The following BCL2L15 variants were observed in gnomAD, a reference collection of about 807,000 sequenced individuals.
The protein encoded by BCL2L15 is bcl-2-like protein 15.
A neutral mutation model predicts 18.3 loss-of-function variants in BCL2L15; 15 were observed. The observed-to-expected ratio is 0.82, with a 90% CI of 0.55 to 1.26. The LOEUF (loss-of-function observed/expected upper bound fraction) is 1.26, where lower values mean the gene tolerates loss of function less well. BCL2L15 is among the 50% of genes most tolerant of loss of function. The pLI is 0.00. For missense variants in BCL2L15, 180 were observed against 201.7 expected (o/e 0.89, Z 0.65); for synonymous variants, 58 against 68.5 (o/e 0.85, Z 0.76).
At chr1:113,885,241 C>T (rs941466962) in intron 2 of BCL2L15, among the ~76,000 whole-genome samples, 2 of 146,370 alleles carry the variant, frequency 1.4e-5, no homozygotes, top group Non-Finnish European at 3.0e-5. Context: ...CAGGCATGAG[C>T]CACAGCACCC....
intron 3 of BCL2L15, chr1:113,881,488 A>G: frequency 7.4e-7 from 1 of 1,350,892 alleles, no homozygotes; most frequent in South Asian, 1.9e-5. Flanking sequence ...GAACTCTATC[A>G]TGAATATACT....
At position 113,886,557 on chromosome 1, in the gene BCL2L15, C is replaced by A. The variant is rs771272868; in HGVS notation, c.229G>T (p.Ala77Ser). The change falls in exon 2 of 4, where the codon GCA (alanine) becomes TCA (serine). Residue 77 changes from alanine to serine, a missense_variant. Coordinates refer to ENST00000393316, the MANE Select transcript of BCL2L15 (RefSeq NM_001010922.3). ...TTGACCTGTCCCTTAATGGTTTCTG[C>A]AATGACGTTTTTGGCAGAAGCTTCC... ...ELEASAKNVI[A>S]ETIKGQTGAI... 9 of 1,613,442 alleles carry A rather than the reference C, an allele frequency of 5.6e-6. No individual in the cohort carries two copies. Among genetic ancestry groups the A allele is most frequent in the Non-Finnish European group, 7.6e-6 (9 of 1,179,842 alleles).
rs753335741 is a variant in BCL2L15, at chr1:113,886,632, T to C, written c.154A>G (p.Ile52Val). The C allele has an allele frequency of 1.9e-6, 3 of 1,611,496 alleles. No homozygotes were observed. The highest frequency in any genetic ancestry group is 1.7e-5 in the Admixed American group (1 of 59,142). Residue 52 changes from isoleucine (I) to valine (V), a missense_variant, in exon 2 of 4, where the codon ATC (isoleucine) becomes GTC (valine). Transcript: ENST00000393316. ...SGEPCSFDVA[I>V]IAGRLRMLGD... is the part of the protein sequence containing the mutation. ...AACATCCGAAGGCGACCAGCAATGA[T>C]AGCCACATCAAAAGAACAAGGCTCT...
intron 2 of BCL2L15, among the ~76,000 whole-genome samples, chr1:113,883,603 G>T (rs1416375332): frequency 6.8e-6 from 1 of 147,374 alleles, no homozygotes; most frequent in Non-Finnish European, 1.5e-5. Context: ...GTAAAACCCC[G>T]TCTCTACTAA....
chr1:113,885,237 T>C (rs1666989493), intron 2 of BCL2L15, among the ~76,000 whole-genome samples: 1 of 149,996 alleles, frequency 6.7e-6, no homozygotes, highest in South Asian at 2.1e-4. Flanking sequence ...ATTACAGGCA[T>C]GAGCCACAGC....
At chr1:113,885,533 TG>T (rs1387960470) in intron 2 of BCL2L15, among the ~76,000 whole-genome samples, 1 of 151,874 alleles carries the variant, frequency 6.6e-6, no homozygotes, top group African/African-American at 2.4e-5. Flanking sequence ...GCGATTCTCC[TG>T]CCTCAGTCTC....
At chr1:113,886,722 C>G (rs1441025995) in intron 1 of BCL2L15, 64 bp from the exon 2 acceptor site, 9 of 1,496,364 alleles carry the variant, frequency 6.0e-6, no homozygotes, top group East Asian at 2.3e-5. Context: ...GGAATCTGGG[C>G]AATGAGAAAA....
Position 113,881,038 on chromosome 1 carries a change from ATTTG to A in BCL2L15, c.*81_*84del. 1 of 1,597,058 alleles carries A rather than the reference ATTTG, an allele frequency of 6.3e-7. No homozygotes were observed. The highest frequency in any genetic ancestry group is 2.2e-5 in the East Asian group (1 of 44,724). ...GATAAAATGAAAAAAGTGCTTTTTT[ATTTG>A]TTTGTTTGAATTCCCAGGAATCAAT... is the stretch of plus-strand genomic sequence containing the variant. On this transcript the variant is annotated 3_prime_UTR_variant, in exon 4 of 4. Coordinates refer to ENST00000393316, the MANE Select transcript of BCL2L15 (RefSeq NM_001010922.3).
intron 2 of BCL2L15, among the ~76,000 whole-genome samples, chr1:113,882,481 C>A (rs1156384695): frequency 6.6e-6 from 1 of 151,228 alleles, no homozygotes; most frequent in Admixed American, 6.6e-5. Flanking sequence ...CCTGTCTCTA[C>A]TAAAAATACA....
rs767327056 is a variant in BCL2L15 at position 113,887,229 on chromosome 1, G to A, written c.127+20C>T. 14 of 1,610,998 alleles carry A rather than the reference G, an allele frequency of 8.7e-6. No homozygotes were observed. Among genetic ancestry groups the A allele is most frequent in the Non-Finnish European group, 9.3e-6 (11 of 1,177,514 alleles). On this transcript the variant is annotated intron_variant, in intron 1 of 3. Transcript: ENST00000393316. ...ATACTCTTATTGACCTGCAATCACC[G>A]CCTAGGGCAGGAACCTTACCTGAAT... is the stretch of plus-strand genomic sequence containing the variant.
In BCL2L15 at chr1:113,881,871, T is replaced by C. The variant is rs767565419; in HGVS notation, c.376A>G (p.Ile126Val). The part of the protein sequence containing the change: ...SVKLLEYMAH[I>V]APEVVGQVAI... ...ACCTGTCCCACTACTTCAGGAGCAATGTGAGCCATGTACTCAAGAAGTTTC... is the reference window on the plus strand; with the variant it reads ...ACCTGTCCCACTACTTCAGGAGCAACGTGAGCCATGTACTCAAGAAGTTTC... Residue 126 changes from isoleucine to valine, a missense_variant, in exon 3 of 4, where the codon ATT becomes GTT. Ile to Val is a conservative substitution (Grantham distance 29). Coordinates refer to ENST00000393316, the MANE Select transcript of BCL2L15 (RefSeq NM_001010922.3). The C allele has an allele frequency of 3.1e-6, 5 of 1,614,192 alleles. No homozygotes were observed. Among genetic ancestry groups the C allele is most frequent in the South Asian group, 2.2e-5 (2 of 91,068 alleles).
chr1:113,883,544 T>C (rs1175346299), intron 2 of BCL2L15, among the ~76,000 whole-genome samples: 1 of 144,146 alleles, frequency 6.9e-6, no homozygotes, highest in African/African-American at 2.6e-5. Context: ...GAGGCCAAGG[T>C]GGGCGGATTG....
Position 113,881,906 on chromosome 1 carries a change from G to T in BCL2L15, c.341C>A (p.Ala114Glu). 1 of 1,614,166 alleles carries T rather than the reference G, an allele frequency of 6.2e-7. No homozygotes were observed. The highest frequency in any genetic ancestry group is 8.5e-7 in the Non-Finnish European group (1 of 1,180,018). The change falls in exon 3 of 4, where the codon GCA (alanine) becomes GAA (glutamate). Residue 114 changes from alanine (A) to glutamate (E), a missense_variant. Coordinates refer to ENST00000393316, the MANE Select transcript of BCL2L15 (RefSeq NM_001010922.3). The part of the protein sequence containing the change: ...SSLAYERAFL[A>E]VSVKLLEYMA... ...GTACTCAAGAAGTTTCACTGACACT[G>T]CCAGAAAAGCTCTCTCATAAGCTAA...
intron 3 of BCL2L15, 47 bp downstream of exon 3, chr1:113,881,726 A>G: frequency 1.3e-6 from 2 of 1,582,956 alleles, no homozygotes; most frequent in Non-Finnish European, 1.7e-6. Flanking sequence ...TATTAGTACA[A>G]AAACAGTGCA....
At position 113,877,348 on chromosome 1, in the gene BCL2L15, A is replaced by C. The variant is rs1289235041; in HGVS notation, c.*3775T>G. On this transcript the variant is annotated 3_prime_UTR_variant, in exon 4 of 4. Transcript: ENST00000393316. ...TTTTTTTTTTTTTTTTAAAAAAAACAACCTTATTAAGGTAGTGCTGATGTA... is the reference window on the plus strand; with the variant it reads ...TTTTTTTTTTTTTTTTAAAAAAAACCACCTTATTAAGGTAGTGCTGATGTA... Among the ~76,000 whole-genome samples, 2 of 151,450 alleles carry C rather than the reference A, an allele frequency of 1.3e-5. No individual in the cohort carries two copies. Among genetic ancestry groups the C allele is most frequent in the Non-Finnish European group, 2.9e-5 (2 of 67,868 alleles).
rs1051999466 is a variant in BCL2L15, at chr1:113,880,127, T to C, written c.*996A>G. 2 of 152,372 alleles carry C rather than the reference T, an allele frequency of 1.3e-5. No homozygotes were observed. Among genetic ancestry groups the C allele is most frequent in the African/African-American group, 4.8e-5 (2 of 41,472 alleles). 9.4% of individuals were successfully genotyped at this position (152,372 alleles called of 1,614,324 possible). On this transcript the variant is annotated 3_prime_UTR_variant, in exon 4 of 4. Coordinates refer to ENST00000393316, the MANE Select transcript of BCL2L15 (RefSeq NM_001010922.3). ...CTAAGCTGGGGTGGCCTTGCTGTCC[T>C]AGATGTGGGCCAGCACTTCCTGCAT... is the stretch of plus-strand genomic sequence containing the variant.
intron 1 of BCL2L15, 146 bp downstream of exon 1, chr1:113,887,103 G>A (rs184963665): frequency 1.5e-6 from 1 of 683,572 alleles, no homozygotes; most frequent in African/African-American, 1.8e-5. Context: ...TCACCACGTT[G>A]GCCAGGCGGA....
At position 113,881,110 on chromosome 1, in the gene BCL2L15, T is replaced by C. The variant is rs1571509502; in HGVS notation, c.*13A>G. ...AGGAAGTGATGTTCAGTCTCGTGAA[T>C]AGCTCCAACTCTTCAGCTCTCCAGA... On this transcript the variant is annotated 3_prime_UTR_variant, in exon 4 of 4. Coordinates refer to ENST00000393316, the MANE Select transcript of BCL2L15 (RefSeq NM_001010922.3). The C allele has an allele frequency of 1.2e-6, 2 of 1,614,118 alleles. No individual in the cohort carries two copies. Among genetic ancestry groups the C allele is most frequent in the Non-Finnish European group, 1.7e-6 (2 of 1,179,966 alleles).
In BCL2L15 at chr1:113,887,546, G is replaced by A. The variant is rs1489938574; in HGVS notation, c.-171C>T. 4.9e-6 allele frequency: 4 copies of A among 822,162 alleles called. No individual in the cohort carries two copies. The Admixed American group carries it at 8.0e-5, about 16-fold the overall frequency. The allele number at this position is 822,162 out of a possible 1,614,324, so 50.9% of individuals were successfully genotyped here. A position where few individuals can be genotyped will look rare whatever the true frequency, so the allele number is the denominator to read the frequency against. On this transcript the variant is annotated 5_prime_UTR_variant, in exon 1 of 4. Coordinates refer to ENST00000393316, the MANE Select transcript of BCL2L15 (RefSeq NM_001010922.3). ...TTCTTCAAACACAGCTGCTCAGAAA[G>A]GTGGGACTTCTCAGAAGGATTACCT...
Sources: allele counts gnomAD v4.1 joint callset (sites outside exome capture counted in the v4.1 genomes callset), GRCh38; gene constraint gnomAD v4.1.1; transcripts MANE v1.5; gene names NCBI Gene and HGNC (gene_info 2026-07-23, HGNC 2026-07-21).